TTN: variants seen among roughly 807,000 people sequenced by gnomAD.
The protein encoded by TTN is connectin.
Under a neutral mutation model 3,223.0 loss-of-function variants are expected in TTN, and 1,525 were observed. The observed-to-expected ratio is 0.47, with a 90% confidence interval of 0.45 to 0.49. The LOEUF (loss-of-function observed/expected upper bound fraction) is 0.49. Among genes scored for constraint, TTN ranks in the 20% least tolerant of loss-of-function variants. TTN has a pLI of 0.00. For missense variants in TTN, 40,786 were observed against 43,424.0 expected, an observed-to-expected ratio of 0.94 and a Z score of 5.40; for synonymous variants, 14,094 against 15,161.0, an observed-to-expected ratio of 0.93 and a Z score of 5.17.
At chr2:178,758,670 C>T in intron 44 of TTN, 2 of 340,986 alleles carry the variant, frequency 5.9e-6, no homozygotes, top group East Asian at 6.3e-5. Flanking sequence ...ACAAATCTAC[C>T]TATTTATGCA....
At chr2:178,645,835 C>A in intron 217 of TTN, 85 bp downstream of exon 217, 2 of 822,384 alleles carry the variant, frequency 2.4e-6, no homozygotes, top group South Asian at 3.8e-5. Flanking sequence ...TTCTAAAAGT[C>A]ATACATTTCT....
chr2:178,758,669 C>A, intron 44 of TTN: 3 of 340,062 alleles, frequency 8.8e-6, no homozygotes, highest in Non-Finnish European at 1.1e-5. Context: ...AACAAATCTA[C>A]CTATTTATGC....
chr2:178,535,501 GA>G lies in TTN; in HGVS notation c.101113del (p.Ser33705LeufsTer4). The G allele has an allele frequency of 4.3e-6, 7 of 1,613,904 alleles. No homozygotes were observed. The highest frequency in any genetic ancestry group is 8.5e-7 in the Non-Finnish European group (1 of 1,179,826). ...TGGCTCAGTCCATGTTAAGTTGACA[GA>G]ATCTCGTGAGACATCACTAACTTTG... is the stretch of plus-strand genomic sequence containing the variant. ...GVKVSDVSRD[S>X]VNLTWTEPAS... is the part of the protein sequence containing the mutation. On this transcript the variant is annotated frameshift_variant, in exon 358 of 363. Transcript: ENST00000589042. LOFTEE classifies it high-confidence loss of function.
Position 178,549,659 on chromosome 2 carries a change from T to C in TTN, c.92063A>G (p.Asn30688Ser), listed in dbSNP as rs371488671. 3 of 1,613,726 alleles carry C rather than the reference T, an allele frequency of 1.9e-6. No individual in the cohort carries two copies. The African/African-American group carries it at 4.0e-5, about 22-fold the overall frequency. The change falls in exon 338 of 363, where the codon AAT becomes AGT. Residue 30688 changes from asparagine (N) to serine (S), a missense_variant. Physicochemically the swap from Asn to Ser is conservative, Grantham distance 46. Coordinates refer to ENST00000589042, the MANE Select transcript of TTN (RefSeq NM_001267550.2). Reference protein sequence around the residue: ...SYTAIKLINGNEYQFRVSAVN... With the variant: ...SYTAIKLINGSEYQFRVSAVN... ...TGCAGAAACACGGAATTGGTATTCA[T>C]TGCCGTTTATTAGTTTAATGGCAGT...
At chr2:178,585,386 G>A (rs764208905) in intron 308 of TTN, 39 bp from the exon 309 acceptor site, 2 of 1,528,416 alleles carry the variant, frequency 1.3e-6, no homozygotes, top group Non-Finnish European at 1.8e-6. Context: ...TTGGGAAGGT[G>A]GATAAGTTTC....
intron 313 of TTN, 102 bp from the exon 314 acceptor site, chr2:178,582,694 TA>T (rs2048056586): frequency 8.2e-7 from 1 of 1,213,964 alleles, no homozygotes; most frequent in Non-Finnish European, 1.1e-6. Flanking sequence ...CAATTTCCTA[TA>T]TGACCTAGGA....
intron 219 of TTN, chr2:178,641,541 G>A: frequency 3.2e-6 from 1 of 315,934 alleles, no homozygotes; most frequent in East Asian, 6.3e-5. Context: ...TTTCTATCTA[G>A]ATAGAGGGTC....
chr2:178,698,950 A>G (rs57196200), intron 111 of TTN, 36 bp from the exon 112 acceptor site: 3 of 1,482,360 alleles, frequency 2.0e-6, no homozygotes, highest in Non-Finnish European at 2.7e-6. Context: ...AAGAAAAAAT[A>G]TTTCTGGTGT....
intron 57 of TTN, 27 bp from the exon 58 acceptor site, chr2:178,731,998 T>A: frequency 6.3e-7 from 1 of 1,593,252 alleles, no homozygotes; most frequent in Non-Finnish European, 8.6e-7. Context: ...ATGATTTGCA[T>A]TAAGGGAGGA....
Position 178,598,843 on chromosome 2 carries a change from C to T in TTN, c.56867G>A (p.Gly18956Asp), listed in dbSNP as rs764791747. The T allele has an allele frequency of 6.2e-7, 1 of 1,613,282 alleles. No homozygotes were observed. Among genetic ancestry groups the T allele is most frequent in the East Asian group, 2.2e-5 (1 of 44,752 alleles). ...ATATACCCGGAATTGATAGTCGGAA[C>T]CTTCAATAAGACCAGTCACTTTATA... Reference protein sequence around the residue: ...VSYKVTGLIEGSDYQFRVYAI... With the variant: ...VSYKVTGLIEDSDYQFRVYAI... The change falls in exon 291 of 363, where the codon GGT becomes GAT. Residue 18956 changes from glycine to aspartate, a missense_variant. Coordinates refer to ENST00000589042, the MANE Select transcript of TTN (RefSeq NM_001267550.2).
chr2:178,799,338 T>C, intron 6 of TTN, 149 bp downstream of exon 6: 2 of 1,234,860 alleles, frequency 1.6e-6, no homozygotes, highest in South Asian at 1.4e-5. Flanking sequence ...CCCGTTTGTA[T>C]GCTCCCCTAG....
chr2:178,576,382 A>T lies in TTN; in HGVS notation c.69750T>A (p.Thr23250=). Residue 23250 remains threonine (T), a synonymous_variant, in exon 326 of 363, where the codon ACT becomes ACA. Transcript: ENST00000589042. The surrounding 1 kb of genome is among the most constrained non-coding windows in gnomAD (Gnocchi z 4.3). ...AAGAAGCAGATTTCTTGGTAGTATCAGTGACATGCGGATTTGAAGGTGGTC... is the reference window on the plus strand; with the variant it reads ...AAGAAGCAGATTTCTTGGTAGTATCTGTGACATGCGGATTTGAAGGTGGTC... ...PPGPPSNPHV[T]DTTKKSASLA... The T allele has an allele frequency of 6.4e-7, 1 of 1,562,388 alleles. No individual in the cohort carries two copies. Among genetic ancestry groups the T allele is most frequent in the Non-Finnish European group, 8.6e-7 (1 of 1,161,608 alleles).
chr2:178,701,584 A>G lies in TTN; in HGVS notation c.30542T>C (p.Ile10181Thr). Residue 10181 changes from isoleucine to threonine, a missense_variant, in exon 110 of 363, where the codon ATT (isoleucine) becomes ACT (threonine). Ile to Thr is a moderately conservative substitution (Grantham distance 89). Transcript: ENST00000589042. The part of the protein sequence containing the change: ...EIKLELKPPD[I>T]PDSRVPIPTM... Reference sequence around the variant, plus strand: ...TGGGATTGGAACTCTGGAGTCAGGAATATCTGGAAAGGGACATGTAATAAG... The same window carrying G: ...TGGGATTGGAACTCTGGAGTCAGGAGTATCTGGAAAGGGACATGTAATAAG... 2 of 1,613,746 alleles carry G rather than the reference A, an allele frequency of 1.2e-6. No homozygotes were observed. The highest frequency in any genetic ancestry group is 8.5e-7 in the Non-Finnish European group (1 of 1,179,704).
chr2:178,725,824 C>T lies in TTN; in HGVS notation c.20498G>A (p.Cys6833Tyr), dbSNP rs2079243325. The T allele has an allele frequency of 6.2e-7, 1 of 1,612,650 alleles. No individual in the cohort carries two copies. The highest frequency in any genetic ancestry group is 1.7e-5 in the Admixed American group (1 of 59,894). ...VDTSDIGEYH[C>Y]KAQNEVGSDT... ...ACTTCCCACTTCATTCTGTGCTTTG[C>T]AGTGGTATTCACCGATGTCTGAAGT... is the stretch of plus-strand genomic sequence containing the variant. The change falls in exon 70 of 363, where the codon TGC becomes TAC. Residue 6833 changes from cysteine (C) to tyrosine (Y), a missense_variant. Physicochemically the swap from Cys to Tyr is radical, Grantham distance 194. Coordinates refer to ENST00000589042, the MANE Select transcript of TTN (RefSeq NM_001267550.2).
chr2:178,572,668 A>G lies in TTN; in HGVS notation c.73464T>C (p.Asn24488=), dbSNP rs1223093442. The G allele has an allele frequency of 1.2e-6, 2 of 1,612,970 alleles. No individual in the cohort carries two copies. The highest frequency in any genetic ancestry group is 1.7e-6 in the Non-Finnish European group (2 of 1,179,404). ...ATTTGCCACTGTCAAATCTGTTTAC[A>G]TTTCCAACAATAAGCAGGGTGTAAG... ...TSSYTLLIVG[N]VNRFDSGKYI... The change falls in exon 326 of 363, where the codon AAT becomes AAC. Residue 24488 remains asparagine, a synonymous_variant. Coordinates refer to ENST00000589042, the MANE Select transcript of TTN (RefSeq NM_001267550.2).
chr2:178,770,131 G>A lies in TTN; in HGVS notation c.8570C>T (p.Ser2857Phe), dbSNP rs1003498795. The A allele has an allele frequency of 1.2e-6, 2 of 1,614,150 alleles. No homozygotes were observed. The highest frequency in any genetic ancestry group is 1.7e-6 in the Non-Finnish European group (2 of 1,180,008). ...TGTGTATTCCCCAGCATCTGAGGGGGAGATGTTCTGCAGCATCAGCTTGTG... is the reference window on the plus strand; with the variant it reads ...TGTGTATTCCCCAGCATCTGAGGGGAAGATGTTCTGCAGCATCAGCTTGTG... ...KVHKLMLQNI[S>F]PSDAGEYTAV... Residue 2857 changes from serine to phenylalanine, a missense_variant, in exon 36 of 363, where the codon TCC becomes TTC. Coordinates refer to ENST00000589042, the MANE Select transcript of TTN (RefSeq NM_001267550.2).
chr2:178,777,939 T>C lies in TTN; in HGVS notation c.4245A>G (p.Ile1415Met). 6.2e-7 allele frequency: 1 copy of C among 1,613,970 alleles called. No individual in the cohort carries two copies. The highest frequency in any genetic ancestry group is 8.5e-7 in the Non-Finnish European group (1 of 1,179,920). Residue 1415 changes from isoleucine (I) to methionine (M), a missense_variant, in exon 25 of 363, where the codon ATA becomes ATG. Physicochemically the swap from Ile to Met is conservative, Grantham distance 10. Coordinates refer to ENST00000589042, the MANE Select transcript of TTN (RefSeq NM_001267550.2). ...LSPRSVSRSPIRMSPARMSPA... is the reference protein window; with the variant it reads ...LSPRSVSRSPMRMSPARMSPA... ...GTGACATCCGTGCAGGAGACATGCG[T>C]ATAGGAGACCTGCTCACTGAACGTG...
Position 178,557,419 on chromosome 2 carries a change from A to G in TTN, c.87843T>C (p.Ser29281=). Residue 29281 remains serine, a synonymous_variant, in exon 329 of 363, where the codon AGT becomes AGC. Transcript: ENST00000589042. ...GYHLEMKDRN[S]ILWQKANKLV... ...GTTTGTTGGCTTTTTGCCATAAAAT[A>G]CTGTTTCTGTCTTTCATTTCCAGGT... 6.2e-7 allele frequency: 1 copy of G among 1,613,938 alleles called. No homozygotes were observed. The highest frequency in any genetic ancestry group is 8.5e-7 in the Non-Finnish European group (1 of 1,179,846).
intron 2 of TTN, among the ~76,000 whole-genome samples, chr2:178,803,213 G>A (rs147775937): frequency 1.6e-3 from 240 of 152,182 alleles, no homozygotes; most frequent in African/African-American, 5.2e-3. Context: ...TCCCACTATG[G>A]CCAATTAAAT....
Sources: allele counts gnomAD v4.1 joint callset (sites outside exome capture counted in the v4.1 genomes callset), GRCh38; gene constraint gnomAD v4.1.1; non-coding constraint Gnocchi (gnomAD v3.1); transcripts MANE v1.5; gene names NCBI Gene and HGNC (gene_info 2026-07-23, HGNC 2026-07-21).